The following STN1 variants were observed in gnomAD, a reference collection of about 807,000 sequenced individuals.
The protein encoded by STN1 is CST complex subunit STN1.
STN1 carries 29 observed loss-of-function variants against 45.5 expected under a neutral mutation model. The observed-to-expected ratio is 0.64, with a 90% CI of 0.47 to 0.87. STN1 has a LOEUF of 0.87. Ranked by LOEUF, STN1 falls within the 40% of genes least tolerant of loss-of-function variation. STN1 has a pLI of 0.00. For synonymous variants in STN1, 148 were observed against 159.0 expected (o/e 0.93, Z 0.52); for missense variants, 376 against 441.4 (o/e 0.85, Z 1.33).
chr10:103,906,369 C>T (rs968435362), intron 3 of STN1, among the ~76,000 whole-genome samples: 2 of 152,172 alleles, frequency 1.3e-5, no homozygotes, highest in Admixed American at 6.5e-5. Flanking sequence ...ATATAAAGAG[C>T]TCATAGGCTG....
At chr10:103,914,189 C>G (rs1029906110) in intron 2 of STN1, among the ~76,000 whole-genome samples, 4 of 151,168 alleles carry the variant, frequency 2.6e-5, no homozygotes, top group Non-Finnish European at 5.9e-5. Flanking sequence ...CTTCATTGTA[C>G]CCACTAGAAT....
rs768850748 is a variant in STN1 at position 103,900,183 on chromosome 10, T to C, written c.336A>G (p.Gln112=). The change falls in exon 5 of 10, where the codon CAA becomes CAG. Residue 112 remains glutamine, a synonymous_variant. Coordinates refer to ENST00000224950, the MANE Select transcript of STN1 (RefSeq NM_024928.5). ...SAARELSLTS[Q]LKKLQETIEQ... The stretch of plus-strand genomic sequence containing the variant: ...CAATGGTCTCTTGTAGCTTCTTAAG[T>C]TGTGAGGTTAAGCTGAGCTCTCTTG... The C allele has an allele frequency of 8.7e-6, 14 of 1,614,146 alleles. No individual in the cohort carries two copies. Among genetic ancestry groups the C allele is most frequent in the Non-Finnish European group, 1.2e-5 (14 of 1,180,012 alleles).
At chr10:103,914,842 T>C (rs917040822) in intron 2 of STN1, among the ~76,000 whole-genome samples, 8 of 152,188 alleles carry the variant, frequency 5.3e-5, no homozygotes, top group Non-Finnish European at 1.0e-4. Context: ...CAAAGATAGG[T>C]TAAATTTCAC....
chr10:103,889,946 C>A (rs1843128625), intron 8 of STN1, among the ~76,000 whole-genome samples: 2 of 152,212 alleles, frequency 1.3e-5, no homozygotes, highest in South Asian at 4.1e-4. Flanking sequence ...TCAAGTGATT[C>A]CACCCGACTT....
rs1004589575 is a variant in STN1, at chr10:103,880,875, CTG to C, written c.*1807_*1808del. On this transcript the variant is annotated 3_prime_UTR_variant, in exon 10 of 10. Coordinates refer to ENST00000224950, the MANE Select transcript of STN1 (RefSeq NM_024928.5). ...ACTTCCAGGAGAAGGGAGTGGTCGA[CTG>C]TGTGTGTGTATATATATATATATGT... is the stretch of plus-strand genomic sequence containing the variant. Among the ~76,000 whole-genome samples the C allele has an allele frequency of 6.6e-6, 1 of 151,872 alleles. No homozygotes were observed. Among genetic ancestry groups the C allele is most frequent in the African/African-American group, 2.4e-5 (1 of 41,326 alleles).
At chr10:103,916,268 T>C (rs1276077379) in intron 2 of STN1, among the ~76,000 whole-genome samples, 1 of 152,262 alleles carries the variant, frequency 6.6e-6, no homozygotes, top group Non-Finnish European at 1.5e-5. Flanking sequence ...TGTCATGTCC[T>C]TGGTACCTGT....
chr10:103,891,714 T>C (rs967540994), intron 8 of STN1, among the ~76,000 whole-genome samples: 9 of 152,190 alleles, frequency 5.9e-5, no homozygotes, highest in Non-Finnish European at 1.2e-4. Context: ...TACAGATAAA[T>C]GTCTAGAAGG....
intron 9 of STN1, among the ~76,000 whole-genome samples, chr10:103,885,148 A>G (rs17116105): frequency 0.024 from 3,624 of 152,212 alleles, 135 homozygotes; most frequent in African/African-American, 0.082. Context: ...GGGAACTACT[A>G]TGATTTGGTT....
At chr10:103,899,064 C>A in intron 5 of STN1, 64 bp from the exon 6 acceptor site, 5 of 1,576,326 alleles carry the variant, frequency 3.2e-6, no homozygotes, top group Non-Finnish European at 4.3e-6. Flanking sequence ...CAATTCTTTC[C>A]CAGGCCCAAA....
Position 103,890,028 on chromosome 10 carries a change from C to A in STN1, c.877-884G>T, listed in dbSNP as rs148040224. Among the ~76,000 whole-genome samples the A allele has an allele frequency of 6.1e-3, 926 of 151,854 alleles. 4 individuals are homozygous for A. The highest frequency in any genetic ancestry group is 9.3e-3 in the Non-Finnish European group (633 of 67,978). ...CCAACTTAGTCTTTTTTAACCAGCTCAGATTAAGAGGGAAGCAGCACACAA... is the reference window on the plus strand; with the variant it reads ...CCAACTTAGTCTTTTTTAACCAGCTAAGATTAAGAGGGAAGCAGCACACAA... On this transcript the variant is annotated intron_variant, in intron 8 of 9. Transcript: ENST00000224950.
At chr10:103,895,275 C>T (rs1843163767) in intron 7 of STN1, among the ~76,000 whole-genome samples, 1 of 152,196 alleles carries the variant, frequency 6.6e-6, no homozygotes, top group Non-Finnish European at 1.5e-5. Context: ...GCCAAAGGTT[C>T]CCCACAGATC....
At chr10:103,905,883 T>C (rs1843237220) in intron 3 of STN1, among the ~76,000 whole-genome samples, 1 of 152,250 alleles carries the variant, frequency 6.6e-6, no homozygotes. Context: ...CAGTTATATT[T>C]ACAACTACAG....
chr10:103,893,284 T>G (rs1176739759), intron 7 of STN1, among the ~76,000 whole-genome samples: 1 of 152,070 alleles, frequency 6.6e-6, no homozygotes, highest in African/African-American at 2.4e-5. Context: ...TTCTCCTGCC[T>G]CAGCCTCCCG....
rs1318306509 is a variant in STN1 at position 103,881,782 on chromosome 10, T to C, written c.*902A>G. ...TTGCTGTCAGAACAGGCCTACAACA[T>C]ACCTCAGATGTTTTTCCTTTACCTT... On this transcript the variant is annotated 3_prime_UTR_variant, in exon 10 of 10. Coordinates refer to ENST00000224950, the MANE Select transcript of STN1 (RefSeq NM_024928.5). Among the ~76,000 whole-genome samples the C allele has an allele frequency of 2.0e-5, 3 of 152,216 alleles. No individual in the cohort carries two copies. Among genetic ancestry groups the C allele is most frequent in the African/African-American group, 7.2e-5 (3 of 41,458 alleles).
chr10:103,890,743 C>T (rs1175890338), intron 8 of STN1, among the ~76,000 whole-genome samples: 1 of 152,196 alleles, frequency 6.6e-6, no homozygotes, highest in Non-Finnish European at 1.5e-5. Context: ...ATTGTAATTT[C>T]TAAAATCTCT....
intron 9 of STN1, 116 bp from the exon 10 acceptor site, chr10:103,882,957 A>T: frequency 9.9e-7 from 1 of 1,006,502 alleles, no homozygotes; most frequent in Non-Finnish European, 1.4e-6. Flanking sequence ...ATCTTTATGC[A>T]CATTAAAGTC....
Position 103,897,695 on chromosome 10 carries a change from G to A in STN1, c.606C>T (p.Pro202=), listed in dbSNP as rs1843180253. ...TTTCACTCAGCAAACTCGTGAGACT[G>A]GGGAGGTCCAGGGCGCCTGGATTGC... is the stretch of plus-strand genomic sequence containing the variant. ...ALSNPGALDL[P]SLTSLLSEKA... Residue 202 remains proline, a synonymous_variant, in exon 7 of 10, where the codon CCC becomes CCT. Transcript: ENST00000224950. 1 of 1,614,186 alleles carries A rather than the reference G, an allele frequency of 6.2e-7. No homozygotes were observed. The highest frequency in any genetic ancestry group is 8.5e-7 in the Non-Finnish European group (1 of 1,180,016).
chr10:103,879,119 A>G lies in STN1; in HGVS notation c.*3565T>C, dbSNP rs943918737. On this transcript the variant is annotated 3_prime_UTR_variant, in exon 10 of 10. Transcript: ENST00000224950. The stretch of plus-strand genomic sequence containing the variant: ...CACAGCCTACTAAGACATGTGAGAA[A>G]GCACCCCCGCAACCACTGCCCCTAG... 1.3e-5 allele frequency: 2 copies of G among 152,350 alleles called. No homozygotes were observed. The highest frequency in any genetic ancestry group is 4.8e-5 in the African/African-American group (2 of 41,412). The allele number at this position is 152,350 out of a possible 1,614,324, so 9.4% of individuals were successfully genotyped here. A position where few individuals can be genotyped will look rare whatever the true frequency, so the allele number is the denominator to read the frequency against.
At chr10:103,900,439 C>T (rs770356749) in intron 4 of STN1, among the ~76,000 whole-genome samples, 2 of 152,282 alleles carry the variant, frequency 1.3e-5, no homozygotes. Flanking sequence ...GTGAAAGGAA[C>T]GGAGTCTAGA....
Sources: allele counts gnomAD v4.1 joint callset (sites outside exome capture counted in the v4.1 genomes callset), GRCh38; gene constraint gnomAD v4.1.1; transcripts MANE v1.5; gene names NCBI Gene and HGNC (gene_info 2026-07-23, HGNC 2026-07-21).